Variants in MYO16 observed in about 807,000 individuals in gnomAD.
MYO16 encodes unconventional myosin-XVI.
MYO16 carries 94 observed loss-of-function variants against 205.3 expected under a neutral mutation model. The ratio of observed to expected loss-of-function variants is 0.46; its 90% CI spans 0.39 to 0.54. The LOEUF (loss-of-function observed/expected upper bound fraction) is 0.54. Ranked by LOEUF, MYO16 falls within the 20% of genes least tolerant of loss-of-function variation. The pLI is 0.00. For missense variants in MYO16, 2,315 were observed against 2,387.5 expected (o/e 0.97, Z 0.63); for synonymous variants, 988 against 954.0 (o/e 1.04, Z -0.66).
intron 20 of MYO16, among the ~76,000 whole-genome samples, chr13:108,967,571 G>A (rs1883843200): frequency 6.6e-6 from 1 of 152,168 alleles, no homozygotes; most frequent in Admixed American, 6.5e-5. Context: ...CCCGGACCCT[G>A]CGGGCTGGGG....
intron 1 of MYO16, among the ~76,000 whole-genome samples, chr13:108,601,553 T>TG (rs888595947): frequency 1.3e-5 from 2 of 151,794 alleles, no homozygotes; most frequent in Non-Finnish European, 2.9e-5. Flanking sequence ...TATAGTAATT[T>TG]TTTTCAAGTG....
intron 1 of MYO16, among the ~76,000 whole-genome samples, chr13:108,609,665 A>T (rs1879099168): frequency 1.3e-5 from 2 of 152,212 alleles, no homozygotes; most frequent in South Asian, 2.1e-4. Flanking sequence ...TCTTCAATTT[A>T]AAAAATTTTA....
intron 21 of MYO16, among the ~76,000 whole-genome samples, chr13:108,994,560 C>CT (rs1055802771): frequency 1.6e-4 from 24 of 152,050 alleles, no homozygotes; most frequent in African/African-American, 5.6e-4. Flanking sequence ...AGAAGCTGGA[C>CT]TTTTTGTCTT....
At chr13:109,173,468 G>C (rs986539443) in intron 33 of MYO16, among the ~76,000 whole-genome samples, 8 of 152,266 alleles carry the variant, frequency 5.3e-5, no homozygotes, top group Middle Eastern at 3.4e-3. Context: ...AAAGAAAGGA[G>C]CACATTTCCA....
chr13:108,853,144 GTCGCGCCTCTC>G (rs1464580664), intron 10 of MYO16, among the ~76,000 whole-genome samples: 1 of 152,178 alleles, frequency 6.6e-6, no homozygotes, highest in African/African-American at 2.4e-5. Flanking sequence ...CACTTCTATG[GTCGCGCCTCTC>G]TCTGAGAGCT....
intron 27 of MYO16, among the ~76,000 whole-genome samples, chr13:109,066,642 GTA>G (rs1029207568): frequency 1.3e-5 from 2 of 152,126 alleles, no homozygotes; most frequent in Non-Finnish European, 2.9e-5. Flanking sequence ...CACACTTTTT[GTA>G]TAAAGGACCA....
At chr13:109,063,854 G>T (rs1000707483) in intron 27 of MYO16, among the ~76,000 whole-genome samples, 1 of 152,170 alleles carries the variant, frequency 6.6e-6, no homozygotes, top group Admixed American at 6.5e-5. Flanking sequence ...GGCATCGTAT[G>T]TGTCAATCCC....
At chr13:109,183,221 G>A (rs984776556) in intron 34 of MYO16, among the ~76,000 whole-genome samples, 12 of 152,130 alleles carry the variant, frequency 7.9e-5, no homozygotes, top group Non-Finnish European at 1.5e-4. Flanking sequence ...GCTAAGCGGC[G>A]GTGGGGGGGA....
At chr13:108,895,742 C>T (rs1170843537) in intron 14 of MYO16, among the ~76,000 whole-genome samples, 1 of 152,228 alleles carries the variant, frequency 6.6e-6, no homozygotes, top group Non-Finnish European at 1.5e-5. Flanking sequence ...AAAATATACA[C>T]TGGTTCCGAG....
intron 9 of MYO16, among the ~76,000 whole-genome samples, chr13:108,842,359 T>C (rs552654639): frequency 3.3e-5 from 5 of 152,092 alleles, no homozygotes; most frequent in Non-Finnish European, 7.4e-5. Context: ...TATGTGCAAA[T>C]ATATATGATA....
chr13:108,699,881 G>C (rs1883232445), intron 2 of MYO16, among the ~76,000 whole-genome samples: 1 of 151,954 alleles, frequency 6.6e-6, no homozygotes, highest in African/African-American at 2.4e-5. Flanking sequence ...TATTTTTAGG[G>C]ACTCTTCTGT....
At chr13:108,553,362 C>T in the MYO16 span, among the ~76,000 whole-genome samples, 1 of 152,186 alleles carries the variant, frequency 6.6e-6, no homozygotes, top group Admixed American at 6.5e-5. Context: ...ACCAAAGCAG[C>T]ATCTATCATC....
intron 6 of MYO16, among the ~76,000 whole-genome samples, chr13:108,803,539 G>A (rs1274353377): frequency 6.6e-6 from 1 of 152,116 alleles, no homozygotes; most frequent in Middle Eastern, 3.2e-3. Flanking sequence ...ATCCTTATAT[G>A]GGATCATAAG....
intron 15 of MYO16, among the ~76,000 whole-genome samples, chr13:108,905,011 TC>T (rs952030301): frequency 2.2e-4 from 33 of 152,230 alleles, no homozygotes; most frequent in African/African-American, 7.7e-4. Flanking sequence ...TTTATTTTTT[TC>T]GATCTTCAAA....
At chr13:108,764,389 T>TATCC (rs1366630245) in intron 4 of MYO16, among the ~76,000 whole-genome samples, 1 of 152,194 alleles carries the variant, frequency 6.6e-6, no homozygotes, top group African/African-American at 2.4e-5. Flanking sequence ...AAGGGCTGTA[T>TATCC]ATCCTCAGAG....
chr13:108,980,304 A>G (rs1159789620), intron 20 of MYO16, among the ~76,000 whole-genome samples: 1 of 152,214 alleles, frequency 6.6e-6, no homozygotes, highest in Non-Finnish European at 1.5e-5. Flanking sequence ...TATTTTATAT[A>G]AAGGAAAAAA....
chr13:109,052,268 C>T, intron 24 of MYO16, 32 bp from the exon 25 acceptor site: 2 of 1,570,156 alleles, frequency 1.3e-6, no homozygotes, highest in Non-Finnish European at 1.8e-6. Flanking sequence ...AATTTTAGTG[C>T]CACTTACGAT....
chr13:108,943,028 T>G (rs756473359), intron 16 of MYO16, among the ~76,000 whole-genome samples: 18 of 152,190 alleles, frequency 1.2e-4, no homozygotes, highest in Non-Finnish European at 2.4e-4. Context: ...TAGTATCAAA[T>G]TAAACATTTA....
At chr13:108,593,136 G>A (rs1878448787), upstream of MYO16, among the ~76,000 whole-genome samples, 1 of 152,140 alleles carries the variant, frequency 6.6e-6, no homozygotes, top group African/African-American at 2.4e-5. Flanking sequence ...AAAGCGATGA[G>A]TAAATGAAGA....
Sources: gnomAD v4.1 joint callset for allele counts (sites outside exome capture counted in the v4.1 genomes callset) on GRCh38, gnomAD v4.1.1 for gene constraint, MANE v1.5 for transcripts, NCBI Gene and HGNC (gene_info 2026-07-23, HGNC 2026-07-21) for gene names.